DCC: variants seen among roughly 807,000 people sequenced by gnomAD.
The protein encoded by DCC is netrin receptor DCC.
In DCC, 58 loss-of-function variants were observed where a neutral mutation model predicts 172.5. That is an observed-to-expected ratio of 0.34 (90% confidence interval 0.27 to 0.42). The LOEUF (loss-of-function observed/expected upper bound fraction) is 0.42, where lower values mean the gene tolerates loss of function less well. DCC is among the 10% of genes least tolerant of loss of function. The pLI, the probability that DCC is intolerant of heterozygous loss-of-function variation, is 1.00. For synonymous variants in DCC, 709 were observed against 644.5 expected (o/e 1.10, Z -1.52); for missense variants, 1,740 against 1,791.0 (o/e 0.97, Z 0.51).
At chr18:52,811,266 C>T (rs867213478) in intron 2 of DCC, among the ~76,000 whole-genome samples, 2 of 152,078 alleles carry the variant, frequency 1.3e-5, no homozygotes, top group African/African-American at 4.8e-5. Flanking sequence ...TTATATGATA[C>T]CCTTTTTCTT....
At chr18:52,625,815 A>C (rs73955753) in intron 1 of DCC, among the ~76,000 whole-genome samples, 1 of 152,144 alleles carries the variant, frequency 6.6e-6, no homozygotes, top group Non-Finnish European at 1.5e-5. Flanking sequence ...CTAAATGCCA[A>C]TGTCAGTTCT....
At chr18:52,713,578 C>T (rs940571095) in intron 1 of DCC, among the ~76,000 whole-genome samples, 40 of 152,094 alleles carry the variant, frequency 2.6e-4, no homozygotes, top group Non-Finnish European at 7.4e-5. Flanking sequence ...CACTTGGATC[C>T]TTTAGTTTCA....
chr18:53,392,027 A>T lies in DCC; in HGVS notation c.2688+140A>T. The T allele has an allele frequency of 4.4e-6, 3 of 674,676 alleles. No individual in the cohort carries two copies. The South Asian group carries it at 4.8e-5, about 11-fold the overall frequency. The allele number at this position is 674,676 out of a possible 1,614,324, so 41.8% of individuals were successfully genotyped here. On this transcript the variant is annotated intron_variant, in intron 17 of 28. Transcript: ENST00000442544. ...AAAAACAAAGCATTTTAATAACTCA[A>T]TATCTAAGATTAACATGAGAATAAT...
chr18:53,233,457 T>G (rs770328716), intron 12 of DCC, among the ~76,000 whole-genome samples: 14 of 152,194 alleles, frequency 9.2e-5, no homozygotes, highest in Non-Finnish European at 2.1e-4. Context: ...ACTTTTTCCC[T>G]AGAATATTTG....
intron 12 of DCC, among the ~76,000 whole-genome samples, chr18:53,248,927 G>A (rs2056396986): frequency 6.6e-6 from 1 of 151,878 alleles, no homozygotes; most frequent in Non-Finnish European, 1.5e-5. Context: ...ATTTTTGTTT[G>A]GCATTTAAGA....
intron 5 of DCC, among the ~76,000 whole-genome samples, chr18:52,967,651 C>T (rs762683660): frequency 2.6e-5 from 4 of 152,156 alleles, no homozygotes; most frequent in Non-Finnish European, 4.4e-5. Flanking sequence ...AGATTTACCA[C>T]CTTAATTTTC....
At chr18:53,070,531 T>C (rs1457280221) in intron 7 of DCC, among the ~76,000 whole-genome samples, 1 of 152,218 alleles carries the variant, frequency 6.6e-6, no homozygotes, top group Admixed American at 6.5e-5. Flanking sequence ...ATTCATGGTA[T>C]CTTGCATTCC....
chr18:52,894,290 G>T (rs541082513), intron 2 of DCC, among the ~76,000 whole-genome samples: 4 of 151,982 alleles, frequency 2.6e-5, no homozygotes, highest in East Asian at 1.9e-4. Flanking sequence ...GAAAGAAACT[G>T]GTACTGTTCA....
chr18:52,560,957 T>C (rs1290982334), intron 1 of DCC, among the ~76,000 whole-genome samples: 2 of 152,186 alleles, frequency 1.3e-5, no homozygotes, highest in Non-Finnish European at 2.9e-5. Flanking sequence ...TTCCTTACAT[T>C]ATAATTTTAT....
chr18:52,990,471 C>T (rs372163214), intron 5 of DCC, among the ~76,000 whole-genome samples: 30 of 132,492 alleles, frequency 2.3e-4, no homozygotes, highest in Admixed American at 1.0e-3. Flanking sequence ...ACCTGGGAAC[C>T]GGGGGTTATG....
chr18:52,775,684 C>T (rs1388027700), intron 2 of DCC, among the ~76,000 whole-genome samples: 1 of 152,186 alleles, frequency 6.6e-6, no homozygotes. Context: ...CAGAGTGCTC[C>T]CTCATGCCCT....
chr18:53,502,306 T>TGTTTCTCTCTTA (rs1349151833), intron 27 of DCC, among the ~76,000 whole-genome samples: 1 of 152,212 alleles, frequency 6.6e-6, no homozygotes, highest in African/African-American at 2.4e-5. Flanking sequence ...TTTCCTTTAG[T>TGTTTCTCTCTTA]GTTTCTCTCT....
intron 2 of DCC, among the ~76,000 whole-genome samples, chr18:52,827,261 C>A (rs1197158330): frequency 6.6e-6 from 1 of 152,176 alleles, no homozygotes; most frequent in African/African-American, 2.4e-5. Context: ...ATCAGAGGTT[C>A]CTAACCCCAA....
intron 2 of DCC, among the ~76,000 whole-genome samples, chr18:52,863,205 T>C (rs7234030): frequency 0.019 from 2,907 of 152,108 alleles, 77 homozygotes; most frequent in African/African-American, 0.063. Context: ...TGCTTTCTTA[T>C]AACATTTCTT....
At chr18:53,314,807 G>A (rs2057324747) in intron 13 of DCC, among the ~76,000 whole-genome samples, 1 of 152,096 alleles carries the variant, frequency 6.6e-6, no homozygotes, top group South Asian at 2.1e-4. Context: ...TCTACAGGAT[G>A]CTAAAACTTC....
chr18:52,751,711 T>A (rs1007284867), intron 1 of DCC, among the ~76,000 whole-genome samples: 7 of 152,206 alleles, frequency 4.6e-5, no homozygotes, highest in African/African-American at 1.7e-4. Context: ...TAACTATTGC[T>A]ACTTTAAAAT....
At chr18:52,837,829 A>G (rs988392950) in intron 2 of DCC, among the ~76,000 whole-genome samples, 2 of 152,192 alleles carry the variant, frequency 1.3e-5, no homozygotes, top group South Asian at 4.1e-4. Flanking sequence ...GGACTGGGTA[A>G]TTTACAAAGG....
intron 1 of DCC, among the ~76,000 whole-genome samples, chr18:52,703,463 T>C (rs2036158544): frequency 6.6e-6 from 1 of 151,758 alleles, no homozygotes; most frequent in Admixed American, 6.6e-5. Flanking sequence ...GACACCATTG[T>C]TTACTAATAT....
intron 19 of DCC, among the ~76,000 whole-genome samples, chr18:53,408,199 G>A (rs2145049909): frequency 6.6e-6 from 1 of 152,202 alleles, no homozygotes; most frequent in South Asian, 2.1e-4. Flanking sequence ...GCCTATTGTT[G>A]TATAGCAATA....
Sources: gnomAD v4.1 joint callset for allele counts (sites outside exome capture counted in the v4.1 genomes callset) on GRCh38, gnomAD v4.1.1 for gene constraint, MANE v1.5 for transcripts, NCBI Gene and HGNC (gene_info 2026-07-23, HGNC 2026-07-21) for gene names.